SSU72: variants seen among roughly 807,000 people sequenced by gnomAD.
The protein encoded by SSU72 is RNA polymerase II subunit A C-terminal domain phosphatase SSU72.
A neutral mutation model predicts 22.7 loss-of-function variants in SSU72; 12 were observed. The ratio of observed to expected loss-of-function variants is 0.53; its 90% CI spans 0.34 to 0.86. The LOEUF is 0.86. Among genes scored for constraint, SSU72 ranks in the 40% least tolerant of loss-of-function variants. The pLI is 0.02. For synonymous variants in SSU72, 116 were observed against 98.3 expected (o/e 1.18, Z -1.06); for missense variants, 151 against 249.8 (o/e 0.60, Z 2.67).
chr1:1,548,188 G>A (rs1570382948), intron 2 of SSU72, among the ~76,000 whole-genome samples: 1 of 152,194 alleles, frequency 6.6e-6, no homozygotes, highest in Admixed American at 6.5e-5. Flanking sequence ...ACCACGTTCA[G>A]TAGAGGGCGG....
chr1:1,572,401 C>G (rs1034664046), intron 1 of SSU72, among the ~76,000 whole-genome samples: 1 of 149,642 alleles, frequency 6.7e-6, no homozygotes, highest in African/African-American at 2.5e-5. Context: ...GCACTCCAGC[C>G]TGGGCTACAG....
rs1642502234 is a variant in SSU72, at chr1:1,554,896, A to C, written c.224+9877T>G. Among the ~76,000 whole-genome samples, 1 of 152,042 alleles carries C rather than the reference A, an allele frequency of 6.6e-6. No individual in the cohort carries two copies. Among genetic ancestry groups the C allele is most frequent in the Non-Finnish European group, 1.5e-5 (1 of 67,982 alleles). ...TCCTGGCCCTCAGCCTCTCCTTTGCAAACCGTGGCTGGCAGCAGAGACTTC... is the reference window on the plus strand; with the variant it reads ...TCCTGGCCCTCAGCCTCTCCTTTGCCAACCGTGGCTGGCAGCAGAGACTTC... On this transcript the variant is annotated intron_variant, in intron 2 of 4. Coordinates refer to ENST00000291386, the MANE Select transcript of SSU72 (RefSeq NM_014188.3). This position sits in a 1 kb window ranked among gnomAD's most constrained non-coding sequence, Gnocchi z 4.1.
chr1:1,570,730 C>T (rs546126967), intron 1 of SSU72, among the ~76,000 whole-genome samples: 1 of 152,348 alleles, frequency 6.6e-6, no homozygotes, highest in Admixed American at 6.5e-5. Context: ...AAGAGCTTAT[C>T]CCCGATGCAT....
intron 2 of SSU72, chr1:1,563,785 G>A (rs1416773283): frequency 2.0e-5 from 3 of 152,224 alleles, no homozygotes; most frequent in Non-Finnish European, 1.5e-5. Context: ...CCGGGAGGTG[G>A]ATGTTGCAGT....
intron 1 of SSU72, among the ~76,000 whole-genome samples, chr1:1,566,577 G>A (rs908581338): frequency 2.6e-5 from 4 of 152,216 alleles, no homozygotes; most frequent in African/African-American, 9.6e-5. Context: ...GTAAGGCCGG[G>A]TGCGGTGGCT....
At chr1:1,570,975 G>T (rs999728139) in intron 1 of SSU72, among the ~76,000 whole-genome samples, 1 of 151,918 alleles carries the variant, frequency 6.6e-6, no homozygotes, top group African/African-American at 2.4e-5. Context: ...GGCCGGGCGC[G>T]GTGGCTCACG....
At chr1:1,565,081 T>A (rs1039247166) in intron 1 of SSU72, among the ~76,000 whole-genome samples, 165 bp from the exon 2 acceptor site, 1 of 152,206 alleles carries the variant, frequency 6.6e-6, no homozygotes, top group Admixed American at 6.5e-5. Context: ...GGCTCGCGCC[T>A]GTAATCCCAG....
chr1:1,543,301 G>A (rs928684986), intron 4 of SSU72, among the ~76,000 whole-genome samples: 3 of 152,206 alleles, frequency 2.0e-5, no homozygotes, highest in Non-Finnish European at 4.4e-5. Context: ...GCACACCTCC[G>A]ACTGCACCGC....
rs1282697559 is a variant in SSU72 at position 1,574,645 on chromosome 1, G to A, written c.-88C>T. On this transcript the variant is annotated 5_prime_UTR_variant, in exon 1 of 5. Transcript: ENST00000291386. ...CGCGAACAAAATGGCGGCCGCGGTGGCCGGAAGCGGGCGACGCGAAACGAC... is the reference window on the plus strand; with the variant it reads ...CGCGAACAAAATGGCGGCCGCGGTGACCGGAAGCGGGCGACGCGAAACGAC... 1.5e-6 allele frequency: 2 copies of A among 1,300,014 alleles called. No individual in the cohort carries two copies. Among genetic ancestry groups the A allele is most frequent in the South Asian group, 1.5e-5 (1 of 67,978 alleles). The allele number at this position is 1,300,014 out of a possible 1,614,324, so 80.5% of individuals were successfully genotyped here.
chr1:1,565,093 A>AC (rs1642642729), intron 1 of SSU72, among the ~76,000 whole-genome samples, 177 bp from the exon 2 acceptor site: 1 of 152,100 alleles, frequency 6.6e-6, no homozygotes, highest in Non-Finnish European at 1.5e-5. Flanking sequence ...TAATCCCAGC[A>AC]CTTTGGGAGG....
chr1:1,552,997 G>C (rs867810775), intron 2 of SSU72, among the ~76,000 whole-genome samples: 5 of 149,310 alleles, frequency 3.3e-5, no homozygotes, highest in African/African-American at 9.9e-5. Context: ...CTCCAGCCTG[G>C]GCGACAGAAT....
rs532154978 is a variant in SSU72, at chr1:1,565,277, G to A, written c.81-361C>T. 4.5e-4 allele frequency among the ~76,000 whole-genome samples: 69 copies of A among 152,314 alleles called. No individual in the cohort carries two copies. In the East Asian group the frequency reaches 0.013, roughly 29 times the overall value. On this transcript the variant is annotated intron_variant, in intron 1 of 4. Transcript: ENST00000291386. ...AGTCCCAGCTACTCGGGAGGCTGAG[G>A]CAGGAGAATGGCGTGAACCCGGGAG...
chr1:1,571,503 T>C (rs1642731129), intron 1 of SSU72, among the ~76,000 whole-genome samples: 1 of 151,886 alleles, frequency 6.6e-6, no homozygotes, highest in African/African-American at 2.4e-5. Context: ...ATTCATGATA[T>C]CCATAATAGA....
chr1:1,546,357 A>T (rs542064713), intron 2 of SSU72: 1 of 152,330 alleles, frequency 6.6e-6, no homozygotes, highest in African/African-American at 2.4e-5. Flanking sequence ...CGTGGAAGTC[A>T]CACACCCACC....
At chr1:1,573,947 G>A (rs1404481813) in intron 1 of SSU72, among the ~76,000 whole-genome samples, 1 of 151,474 alleles carries the variant, frequency 6.6e-6, no homozygotes, top group Admixed American at 6.6e-5. Context: ...AACTAGCAGA[G>A]CCAAACCAAG....
At chr1:1,569,961 A>T (rs1354302784) in intron 1 of SSU72, among the ~76,000 whole-genome samples, 1 of 152,122 alleles carries the variant, frequency 6.6e-6, no homozygotes, top group Non-Finnish European at 1.5e-5. Context: ...CACTTACCAT[A>T]AGCATTTCCT....
intron 1 of SSU72, among the ~76,000 whole-genome samples, chr1:1,565,253 G>C (rs1055538205): frequency 7.2e-5 from 11 of 152,080 alleles, no homozygotes; most frequent in Non-Finnish European, 1.6e-4. Flanking sequence ...GGCACCTGTA[G>C]TCCCAGCTAC....
chr1:1,548,070 C>A (rs147985744), intron 2 of SSU72, among the ~76,000 whole-genome samples: 371 of 152,310 alleles, frequency 2.4e-3, no homozygotes, highest in African/African-American at 8.4e-3. Context: ...CAAGAGAGGG[C>A]CCAGGGCAGG....
rs1642338048 is a variant in SSU72, at chr1:1,542,670, C to T, written c.484-503G>A. 6.6e-6 allele frequency among the ~76,000 whole-genome samples: 1 copy of T among 152,156 alleles called. No individual in the cohort carries two copies. Among genetic ancestry groups the T allele is most frequent in the African/African-American group, 2.4e-5 (1 of 41,444 alleles). ...CCGGCAGCTCGTTACTCGCCATCTC[C>T]ACTGTCCCCTGGTCCCCAGCCTTGG... On this transcript the variant is annotated intron_variant, in intron 4 of 4. Coordinates refer to ENST00000291386, the MANE Select transcript of SSU72 (RefSeq NM_014188.3). The surrounding 1 kb of genome is among the most constrained non-coding windows in gnomAD (Gnocchi z 4.4).
Sources: gnomAD v4.1 joint callset for allele counts (sites outside exome capture counted in the v4.1 genomes callset) on GRCh38, gnomAD v4.1.1 for gene constraint, Gnocchi (gnomAD v3.1) non-coding constraint, MANE v1.5 for transcripts, NCBI Gene and HGNC (gene_info 2026-07-23, HGNC 2026-07-21) for gene names.